Variants in MALRD1 observed in about 807,000 individuals in gnomAD.
The protein encoded by MALRD1 is MAM and LDL receptor class A domain containing 1, also known as MAM and LDL-receptor class A domain-containing protein 1.
Under a neutral mutation model 242.1 loss-of-function variants are expected in MALRD1, and 247 were observed. The observed-to-expected ratio is 1.02, with a 90% CI of 0.92 to 1.13. The LOEUF (loss-of-function observed/expected upper bound fraction) is 1.13, where lower values mean the gene tolerates loss of function less well. MALRD1 is among the 50% of genes most tolerant of loss of function. The pLI is 0.00. For synonymous variants in MALRD1, 995 were observed against 866.6 expected (o/e 1.15, Z -2.60); for missense variants, 2,989 against 2,533.1 (o/e 1.18, Z -3.86).
chr10:19,104,703 G>T (rs1286399134), intron 5 of MALRD1, among the ~76,000 whole-genome samples: 1 of 151,944 alleles, frequency 6.6e-6, no homozygotes. Flanking sequence ...TAAGAATTTT[G>T]TTATATTGTG....
intron 21 of MALRD1, among the ~76,000 whole-genome samples, chr10:19,296,733 A>G (rs981924251): frequency 6.6e-6 from 1 of 151,290 alleles, no homozygotes; most frequent in Non-Finnish European, 1.5e-5. Context: ...TGTTATATAA[A>G]ATAGTCTGTT....
chr10:19,225,514 A>G (rs1359373883), intron 18 of MALRD1, among the ~76,000 whole-genome samples: 3 of 144,246 alleles, frequency 2.1e-5, no homozygotes, highest in African/African-American at 7.9e-5. Context: ...AATGTTATAT[A>G]TATATTTTTT....
intron 31 of MALRD1, among the ~76,000 whole-genome samples, chr10:19,523,442 C>G (rs1352622316): frequency 6.6e-6 from 1 of 152,054 alleles, no homozygotes; most frequent in Non-Finnish European, 1.5e-5. Context: ...ATCATTTTAC[C>G]TAAATAAAAG....
chr10:19,652,099 G>A (rs150297109), intron 36 of MALRD1, among the ~76,000 whole-genome samples: 291 of 152,276 alleles, frequency 1.9e-3, no homozygotes, highest in Middle Eastern at 6.8e-3. Flanking sequence ...TGACCATGAA[G>A]CATCACTGGA....
chr10:19,674,771 C>G (rs1334651420), intron 36 of MALRD1, among the ~76,000 whole-genome samples: 1 of 151,972 alleles, frequency 6.6e-6, no homozygotes, highest in Non-Finnish European at 1.5e-5. Context: ...CCTTCTTCAC[C>G]TTAAAACAAG....
chr10:19,327,749 C>A, intron 23 of MALRD1, 76 bp downstream of exon 23: 2 of 1,188,118 alleles, frequency 1.7e-6, no homozygotes, highest in South Asian at 1.3e-5. Context: ...CTTCTCTACT[C>A]ACAGTCTTCT....
intron 34 of MALRD1, among the ~76,000 whole-genome samples, chr10:19,596,194 A>T (rs1372178669): frequency 6.6e-6 from 1 of 152,166 alleles, no homozygotes; most frequent in African/African-American, 2.4e-5. Flanking sequence ...GAAAAATGTT[A>T]GGTAAGAAGT....
intron 18 of MALRD1, among the ~76,000 whole-genome samples, chr10:19,224,953 G>A (rs775880050): frequency 1.3e-5 from 2 of 152,146 alleles, no homozygotes; most frequent in African/African-American, 4.8e-5. Context: ...TTTTCTTCTA[G>A]AGTTTTTATG....
chr10:19,209,155 C>A, intron 17 of MALRD1, 113 bp from the exon 18 acceptor site: 4 of 993,804 alleles, frequency 4.0e-6, no homozygotes, highest in Non-Finnish European at 5.5e-6. Context: ...AAATGGCTTA[C>A]CTTGGCATGA....
rs1238458465 is a variant in MALRD1, at chr10:19,091,824, T to C, written c.597+3639T>C. Among the ~76,000 whole-genome samples the C allele has an allele frequency of 8.7e-3, 791 of 90,610 alleles. 115 individuals carry two copies. The highest frequency in any genetic ancestry group is 0.047 in the African/African-American group (753 of 16,100). The allele number at this position is 90,610 out of a possible 152,430, so 59.4% of individuals were successfully genotyped here. A position where few individuals can be genotyped will look rare whatever the true frequency, so the allele number is the denominator to read the frequency against. On this transcript the variant is annotated intron_variant, in intron 4 of 39. Coordinates refer to ENST00000454679, the MANE Select transcript of MALRD1 (RefSeq NM_001142308.3). The stretch of plus-strand genomic sequence containing the variant: ...TCGTTGGTTTCAAAGAACATCTTTA[T>C]TTCTGCCTTCATTTCATTATGTACC...
At chr10:19,237,739 TA>T (rs1838424229) in intron 18 of MALRD1, among the ~76,000 whole-genome samples, 1 of 116,826 alleles carries the variant, frequency 8.6e-6, no homozygotes, top group African/African-American at 3.2e-5. Flanking sequence ...TAATTATATA[TA>T]ATTTATATAT....
At chr10:19,146,566 A>G (rs1292813012) in intron 11 of MALRD1, among the ~76,000 whole-genome samples, 3 of 152,156 alleles carry the variant, frequency 2.0e-5, no homozygotes, top group Admixed American at 6.5e-5. Context: ...ACTTTTTATG[A>G]GTTGGGTTAA....
At chr10:19,663,544 A>G (rs780327137) in intron 36 of MALRD1, among the ~76,000 whole-genome samples, 3 of 152,064 alleles carry the variant, frequency 2.0e-5, no homozygotes, top group Non-Finnish European at 4.4e-5. Flanking sequence ...GTAGATAGCC[A>G]GTAGAGGGAG....
At chr10:19,320,136 G>C (rs574187910) in intron 21 of MALRD1, among the ~76,000 whole-genome samples, 37 of 143,502 alleles carry the variant, frequency 2.6e-4, no homozygotes, top group African/African-American at 9.5e-4. Context: ...CATGTGCCAT[G>C]GTGGTTAGCT....
Position 19,066,765 on chromosome 10 carries a change from G to A in MALRD1, c.246G>A (p.Met82Ile). The A allele has an allele frequency of 8.1e-7, 1 of 1,233,610 alleles. No homozygotes were observed. Among genetic ancestry groups the A allele is most frequent in the East Asian group, 3.2e-5 (1 of 31,678 alleles). The allele number at this position is 1,233,610 out of a possible 1,614,324, so 76.4% of individuals were successfully genotyped here. A position where few individuals can be genotyped will look rare whatever the true frequency, so the allele number is the denominator to read the frequency against. ...ATTTTGAGGATGGTCTCTGTCATAT[G>A]ACTCAAGATCAGAGTCTGCAACCTA... ...RCDFEDGLCH[M>I]TQDQSLQPSW... Residue 82 changes from methionine (M) to isoleucine (I), a missense_variant, in exon 2 of 40, where the codon ATG (methionine) becomes ATA (isoleucine). Physicochemically the swap from Met to Ile is conservative, Grantham distance 10. Coordinates refer to ENST00000454679, the MANE Select transcript of MALRD1 (RefSeq NM_001142308.3).
Position 19,332,174 on chromosome 10 carries a change from G to GTTT in MALRD1, c.3901+594_3901+595insTTT, listed in dbSNP as rs139531488. On this transcript the variant is annotated intron_variant, in intron 24 of 39. Coordinates refer to ENST00000454679, the MANE Select transcript of MALRD1 (RefSeq NM_001142308.3). Reference sequence around the variant, plus strand: ...TTACTGTGCCTGGCCTGAAATAAATGTTGTTTTTTTTTTTTTGAAAAATGA... The same window carrying GTTT: ...TTACTGTGCCTGGCCTGAAATAAATGTTTTTGTTTTTTTTTTTTTGAAAAATGA... Among the ~76,000 whole-genome samples the GTTT allele has an allele frequency of 2.6e-4, 37 of 142,880 alleles. 5 individuals carry two copies. The highest frequency in any genetic ancestry group is 2.7e-4 in the Admixed American group (4 of 14,548). 93.7% of individuals were successfully genotyped at this position (142,880 alleles called of 152,430 possible). A position where few individuals can be genotyped will look rare whatever the true frequency, so the allele number is the denominator to read the frequency against.
chr10:19,552,301 A>G (rs1275569838), intron 32 of MALRD1, among the ~76,000 whole-genome samples: 2 of 151,656 alleles, frequency 1.3e-5, no homozygotes, highest in Non-Finnish European at 3.0e-5. Flanking sequence ...ATTCAATTTC[A>G]GGGTGTATAT....
intron 29 of MALRD1, among the ~76,000 whole-genome samples, chr10:19,481,513 A>G (rs1204697569): frequency 1.3e-5 from 2 of 152,186 alleles, no homozygotes; most frequent in African/African-American, 4.8e-5. Context: ...AGAATAAGAG[A>G]GCAACCAAGT....
At chr10:19,565,051 A>G (rs1160645226) in intron 32 of MALRD1, among the ~76,000 whole-genome samples, 1 of 152,214 alleles carries the variant, frequency 6.6e-6, no homozygotes, top group African/African-American at 2.4e-5. Flanking sequence ...ATAACATGTT[A>G]CTAATGAAAT....
Sources: allele counts gnomAD v4.1 joint callset (sites outside exome capture counted in the v4.1 genomes callset), GRCh38; gene constraint gnomAD v4.1.1; transcripts MANE v1.5; gene names NCBI Gene and HGNC (gene_info 2026-07-23, HGNC 2026-07-21).